The following WDR11 variants were observed in gnomAD, a reference collection of about 807,000 sequenced individuals.
The protein encoded by WDR11 is WD repeat-containing protein 11.
Under a neutral mutation model 151.2 loss-of-function variants are expected in WDR11, and 83 were observed. The observed-to-expected ratio is 0.55, with a 90% confidence interval of 0.46 to 0.66. The LOEUF is 0.66. WDR11 is among the 30% of genes least tolerant of loss of function. The pLI is 0.00. For synonymous variants in WDR11, 484 were observed against 533.1 expected (o/e 0.91, Z 1.27); for missense variants, 1,301 against 1,480.9 (o/e 0.88, Z 1.99).
At position 120,883,685 on chromosome 10, in the gene WDR11, G is replaced by C. The variant is rs1381922810; in HGVS notation, c.1740-95G>C. 3 of 981,076 alleles carry C rather than the reference G, an allele frequency of 3.1e-6. No individual in the cohort carries two copies. The African/African-American group carries it at 4.8e-5, about 16-fold the overall frequency. 60.8% of individuals were successfully genotyped at this position (981,076 alleles called of 1,614,324 possible). A position where few individuals can be genotyped will look rare whatever the true frequency, so the allele number is the denominator to read the frequency against. ...AATTGTCTATATTTAGAATGCGTCAGCTGAGTTTTTCAATTTACTGAACTT... is the reference window on the plus strand; with the variant it reads ...AATTGTCTATATTTAGAATGCGTCACCTGAGTTTTTCAATTTACTGAACTT... On this transcript the variant is annotated intron_variant, in intron 13 of 28. Coordinates refer to ENST00000263461, the MANE Select transcript of WDR11 (RefSeq NM_018117.12).
chr10:120,901,583 GA>G (rs536910825), intron 21 of WDR11, among the ~76,000 whole-genome samples: 197 of 152,224 alleles, frequency 1.3e-3, no homozygotes, highest in African/African-American at 4.5e-3. Context: ...AATAAGAAAG[GA>G]AAAAATATGG....
intron 11 of WDR11, among the ~76,000 whole-genome samples, chr10:120,876,149 T>G (rs975025430): frequency 4.6e-5 from 7 of 151,960 alleles, no homozygotes; most frequent in African/African-American, 7.3e-5. Context: ...CAGCTAATTT[T>G]TGTATTTTTT....
At chr10:120,882,793 CTA>C (rs1365867600) in intron 13 of WDR11, among the ~76,000 whole-genome samples, 1 of 151,248 alleles carries the variant, frequency 6.6e-6, no homozygotes. Flanking sequence ...TGATTCTTCT[CTA>C]TGATTTTTCC....
rs551630573 is a variant in WDR11 at position 120,904,950 on chromosome 10, C to A, written c.3193+139C>A. 1.2e-5 allele frequency: 12 copies of A among 996,446 alleles called. No homozygotes were observed. The South Asian group carries it at 1.8e-4, about 15-fold the overall frequency. The allele number at this position is 996,446 out of a possible 1,614,324, so 61.7% of individuals were successfully genotyped here. Reference sequence around the variant, plus strand: ...AGAAAAATTATTGCTACCTATAAATCAGATGAATATAATTGTCTAAACCAG... The same window carrying A: ...AGAAAAATTATTGCTACCTATAAATAAGATGAATATAATTGTCTAAACCAG... On this transcript the variant is annotated intron_variant, in intron 25 of 28. Coordinates refer to ENST00000263461, the MANE Select transcript of WDR11 (RefSeq NM_018117.12).
At chr10:120,874,306 C>T (rs1846677569) in intron 11 of WDR11, among the ~76,000 whole-genome samples, 1 of 150,684 alleles carries the variant, frequency 6.6e-6, no homozygotes, top group African/African-American at 2.4e-5. Flanking sequence ...TCCTAAGGGC[C>T]AGGCTGTTTT....
intron 20 of WDR11, 137 bp downstream of exon 20, chr10:120,900,274 G>T: frequency 1.3e-6 from 1 of 793,370 alleles, no homozygotes; most frequent in African/African-American, 1.7e-5. Context: ...AGACACTACA[G>T]AATTGCCAGG....
intron 7 of WDR11, among the ~76,000 whole-genome samples, 181 bp from the exon 8 acceptor site, chr10:120,866,388 T>C (rs1385203663): frequency 6.6e-6 from 1 of 152,202 alleles, no homozygotes; most frequent in Admixed American, 6.5e-5. Flanking sequence ...CTTAGTACAG[T>C]CATTAAGTAA....
At chr10:120,873,995 A>G in intron 11 of WDR11, 72 bp downstream of exon 11, 1 of 965,362 alleles carries the variant, frequency 1.0e-6, no homozygotes, top group South Asian at 1.3e-5. Context: ...ACTTTTCTAC[A>G]TTGAGTACTC....
intron 4 of WDR11, among the ~76,000 whole-genome samples, chr10:120,862,242 C>T (rs1369067884): frequency 3.3e-5 from 5 of 151,642 alleles, no homozygotes; most frequent in Admixed American, 6.6e-5. Flanking sequence ...CCAGTTCAAG[C>T]GATTCTCCTG....
intron 21 of WDR11, 114 bp downstream of exon 21, chr10:120,901,212 C>A: frequency 1.1e-6 from 1 of 897,686 alleles, no homozygotes; most frequent in Non-Finnish European, 1.8e-6. Flanking sequence ...ATTAGTGGCC[C>A]AAGAAGAGAC....
chr10:120,904,575 C>G (rs1847960920), intron 24 of WDR11, 71 bp from the exon 25 acceptor site: 1 of 1,579,824 alleles, frequency 6.3e-7, no homozygotes, highest in Non-Finnish European at 8.7e-7. Flanking sequence ...TAGTTTTCTA[C>G]CTTATGAATT....
intron 18 of WDR11, 115 bp from the exon 19 acceptor site, chr10:120,890,601 A>C: frequency 1.7e-6 from 2 of 1,182,296 alleles, no homozygotes; most frequent in Non-Finnish European, 2.5e-6. Context: ...GAGGCTGTTC[A>C]GTTCTAAACT....
rs1590064113 is a variant in WDR11 at position 120,865,092 on chromosome 10, G to A, written c.759G>A (p.Leu253=). ...ATGATTGCCTTCAGTTGGCATACCT[G>A]CCTTCAAAAAGGAATCACATGTTGT... ...TLNDCLQLAY[L]PSKRNHMLLL... Residue 253 remains leucine (L), a synonymous_variant, in exon 6 of 29, where the codon CTG becomes CTA. Transcript: ENST00000263461. 3 of 1,613,906 alleles carry A rather than the reference G, an allele frequency of 1.9e-6. No homozygotes were observed. The highest frequency in any genetic ancestry group is 2.5e-6 in the Non-Finnish European group (3 of 1,179,850).
chr10:120,875,645 C>A (rs1296856291), intron 11 of WDR11, among the ~76,000 whole-genome samples: 1 of 152,102 alleles, frequency 6.6e-6, no homozygotes, highest in African/African-American at 2.4e-5. Context: ...GCTAGGACTA[C>A]AGGCACGTGC....
In WDR11 at chr10:120,909,264, A is replaced by G. The variant is rs1028887826; in HGVS notation, c.*551A>G. 4 of 155,776 alleles carry G rather than the reference A, an allele frequency of 2.6e-5. No individual in the cohort carries two copies. The highest frequency in any genetic ancestry group is 7.2e-5 in the African/African-American group (3 of 41,470). The allele number at this position is 155,776 out of a possible 1,614,324, so 9.6% of individuals were successfully genotyped here. A position where few individuals can be genotyped will look rare whatever the true frequency, so the allele number is the denominator to read the frequency against. ...AATTCCTTGGTTTAAGCAGTTGCTA[A>G]GTTTTGTAATTTTAGGCTCAGAGGA... On this transcript the variant is annotated 3_prime_UTR_variant, in exon 29 of 29. Coordinates refer to ENST00000263461, the MANE Select transcript of WDR11 (RefSeq NM_018117.12).
intron 13 of WDR11, among the ~76,000 whole-genome samples, chr10:120,883,208 C>A (rs1300151593): frequency 6.6e-6 from 1 of 152,096 alleles, no homozygotes; most frequent in Non-Finnish European, 1.5e-5. Flanking sequence ...CCTACTCTGT[C>A]ACATTTCCTC....
intron 19 of WDR11, among the ~76,000 whole-genome samples, chr10:120,893,235 A>T (rs1847488388): frequency 1.4e-5 from 2 of 143,596 alleles, no homozygotes; most frequent in Admixed American, 1.5e-4. Context: ...TCATTGTTCA[A>T]TTCCCATCTG....
rs1357218895 is a variant in WDR11, at chr10:120,903,037, T to C, written c.2754-18T>C. On this transcript the variant is annotated intron_variant, in intron 22 of 28. Transcript: ENST00000263461. ...AGGTGTGCTGAGTGCAGTCAAAACTTTGCTTCATCCTTGCCAGGCTCTATG... is the reference window on the plus strand; with the variant it reads ...AGGTGTGCTGAGTGCAGTCAAAACTCTGCTTCATCCTTGCCAGGCTCTATG... 1.2e-6 allele frequency: 2 copies of C among 1,613,220 alleles called. No homozygotes were observed.
chr10:120,874,212 G>T lies in WDR11; in HGVS notation c.1556+289G>T, dbSNP rs867363645. Among the ~76,000 whole-genome samples the T allele has an allele frequency of 0.28, 25,985 of 93,272 alleles. 3,666 individuals carry two copies. Among genetic ancestry groups the T allele is most frequent in the Admixed American group, 0.35 (3,008 of 8,680 alleles). 61.2% of individuals were successfully genotyped at this position (93,272 alleles called of 152,430 possible). A position where few individuals can be genotyped will look rare whatever the true frequency, so the allele number is the denominator to read the frequency against. ...TTTTTTGTTGTTGTTGTTGTTGTTT[G>T]TTTTGTTTTGTTTTGTTTTTTTTAA... On this transcript the variant is annotated intron_variant, in intron 11 of 28. Transcript: ENST00000263461.
Sources: gnomAD v4.1 joint callset for allele counts (sites outside exome capture counted in the v4.1 genomes callset) on GRCh38, gnomAD v4.1.1 for gene constraint, MANE v1.5 for transcripts, NCBI Gene and HGNC (gene_info 2026-07-23, HGNC 2026-07-21) for gene names.